The following PTPN4 variants were observed in gnomAD, a reference collection of about 807,000 sequenced individuals.
PTPN4 encodes the protein protein tyrosine phosphatase non-receptor type 4.
In PTPN4, 49 loss-of-function variants were observed where a neutral mutation model predicts 135.5. That is an observed-to-expected ratio of 0.36 (90% CI 0.29 to 0.46). PTPN4 has a LOEUF of 0.46. Ranked by LOEUF, PTPN4 falls within the 20% of genes least tolerant of loss-of-function variation. The pLI is 1.00. For missense variants in PTPN4, 860 were observed against 1,101.0 expected (o/e 0.78, Z 3.10); for synonymous variants, 333 against 369.9 (o/e 0.90, Z 1.14).
At chr2:119,901,653 A>G (rs1011403699) in intron 10 of PTPN4, among the ~76,000 whole-genome samples, 6 of 152,244 alleles carry the variant, frequency 3.9e-5, no homozygotes, top group African/African-American at 1.4e-4. Flanking sequence ...AGACCCAGAT[A>G]TAGAAGAAAT....
At position 119,921,721 on chromosome 2, in the gene PTPN4, T is replaced by C. The variant is rs746535774; in HGVS notation, c.1001+1480T>C. 1.6e-4 allele frequency among the ~76,000 whole-genome samples: 25 copies of C among 152,160 alleles called. 1 individual carries two copies. The highest frequency in any genetic ancestry group is 6.8e-3 in the Middle Eastern group (2 of 294). On this transcript the variant is annotated intron_variant, in intron 12 of 26. Coordinates refer to ENST00000263708, the MANE Select transcript of PTPN4 (RefSeq NM_002830.4). Reference sequence around the variant, plus strand: ...AGATGGAAGGAGAGAGTATCAGATCTATAATGAAAGTCAAGGAAAAAGCAA... The same window carrying C: ...AGATGGAAGGAGAGAGTATCAGATCCATAATGAAAGTCAAGGAAAAAGCAA...
At chr2:119,913,240 AC>A (rs575503937) in intron 10 of PTPN4, among the ~76,000 whole-genome samples, 12 of 152,120 alleles carry the variant, frequency 7.9e-5, no homozygotes, top group Non-Finnish European at 1.8e-4. Context: ...GGAGTGGAAT[AC>A]CTGGGTTTGC....
Position 119,978,139 on chromosome 2 carries a change from T to G in PTPN4, c.*1069T>G, listed in dbSNP as rs1380413495. On this transcript the variant is annotated 3_prime_UTR_variant, in exon 27 of 27. Coordinates refer to ENST00000263708, the MANE Select transcript of PTPN4 (RefSeq NM_002830.4). ...GGGGTTACGGTTTAGCAGCTCAACT[T>G]TAAAAGATGCTTTTATGCTTCAAAT... 1 of 152,192 alleles carries G rather than the reference T, an allele frequency of 6.6e-6. No homozygotes were observed. Among genetic ancestry groups the G allele is most frequent in the Non-Finnish European group, 1.5e-5 (1 of 68,026 alleles). 9.4% of individuals were successfully genotyped at this position (152,192 alleles called of 1,614,324 possible).
At chr2:119,788,419 G>T (rs1691083158) in intron 1 of PTPN4, among the ~76,000 whole-genome samples, 1 of 152,078 alleles carries the variant, frequency 6.6e-6, no homozygotes, top group Non-Finnish European at 1.5e-5. Flanking sequence ...TTAAAAAATT[G>T]TTTTTAATCG....
At chr2:119,784,945 T>G (rs928747497) in intron 1 of PTPN4, among the ~76,000 whole-genome samples, 8 of 43,748 alleles carry the variant, frequency 1.8e-4, no homozygotes, top group Non-Finnish European at 3.4e-4. Context: ...TTTCTTCTAT[T>G]CATTTTATGA....
chr2:119,775,333 C>T (rs562314104), intron 1 of PTPN4, among the ~76,000 whole-genome samples: 110 of 151,918 alleles, frequency 7.2e-4, no homozygotes, highest in African/African-American at 2.5e-3. Flanking sequence ...AAGGCCTGGA[C>T]AATAACTCTT....
intron 2 of PTPN4, among the ~76,000 whole-genome samples, chr2:119,844,310 C>G (rs1452154273): frequency 7.3e-6 from 1 of 136,640 alleles, no homozygotes; most frequent in Non-Finnish European, 1.6e-5. Flanking sequence ...CCGGACGGGG[C>G]GGCTGGCCGG....
At chr2:119,959,884 A>C (rs1558775580) in intron 22 of PTPN4, among the ~76,000 whole-genome samples, 1 of 152,176 alleles carries the variant, frequency 6.6e-6, no homozygotes, top group Non-Finnish European at 1.5e-5. Flanking sequence ...AATCTGCATT[A>C]AATATTTTCT....
chr2:119,934,380 G>A (rs927030852), intron 14 of PTPN4, among the ~76,000 whole-genome samples: 1 of 152,148 alleles, frequency 6.6e-6, no homozygotes, highest in Non-Finnish European at 1.5e-5. Context: ...TGGCAATATA[G>A]TATTCAGTAT....
At chr2:119,873,274 C>T (rs1187590202) in intron 3 of PTPN4, among the ~76,000 whole-genome samples, 3 of 151,864 alleles carry the variant, frequency 2.0e-5, no homozygotes, top group South Asian at 4.2e-4. Flanking sequence ...ATAGAAGAAG[C>T]TCACTGAACT....
chr2:119,977,320 G>A lies in PTPN4; in HGVS notation c.*250G>A. Reference sequence around the variant, plus strand: ...ATAGTAAATAACTGAGTATGTTCAGGGTAATTTATGAAATTTTGTGGTGGT... The same window carrying A: ...ATAGTAAATAACTGAGTATGTTCAGAGTAATTTATGAAATTTTGTGGTGGT... On this transcript the variant is annotated 3_prime_UTR_variant, in exon 27 of 27. Coordinates refer to ENST00000263708, the MANE Select transcript of PTPN4 (RefSeq NM_002830.4). The A allele has an allele frequency of 2.2e-6, 1 of 461,384 alleles. No homozygotes were observed. The highest frequency in any genetic ancestry group is 3.1e-6 in the Non-Finnish European group (1 of 324,866). 28.6% of individuals were successfully genotyped at this position (461,384 alleles called of 1,614,324 possible).
intron 3 of PTPN4, among the ~76,000 whole-genome samples, chr2:119,866,865 G>A (rs542989930): frequency 6.0e-4 from 92 of 152,192 alleles, no homozygotes; most frequent in African/African-American, 2.1e-3. Context: ...TGTTTCCACT[G>A]TAATATCTTA....
chr2:119,961,780 C>CA (rs1349614797), intron 23 of PTPN4, among the ~76,000 whole-genome samples: 1 of 152,084 alleles, frequency 6.6e-6, no homozygotes, highest in African/African-American at 2.4e-5. Flanking sequence ...TGAAAGAGGT[C>CA]AAAAAGACCA....
At chr2:119,763,936 G>A (rs1198768328) in intron 1 of PTPN4, among the ~76,000 whole-genome samples, 2 of 152,178 alleles carry the variant, frequency 1.3e-5, no homozygotes, top group African/African-American at 4.8e-5. Flanking sequence ...TGGGCAAGTT[G>A]TTTAGTTCTG....
At chr2:119,955,764 C>T (rs921472122) in intron 20 of PTPN4, among the ~76,000 whole-genome samples, 3 of 151,848 alleles carry the variant, frequency 2.0e-5, no homozygotes, top group African/African-American at 4.8e-5. Context: ...GGTGAAACCC[C>T]GTCTCTACTA....
chr2:119,820,434 A>T (rs1677048872), intron 2 of PTPN4, among the ~76,000 whole-genome samples: 1 of 152,202 alleles, frequency 6.6e-6, no homozygotes. Flanking sequence ...TAAGGAAGCT[A>T]CATGACTCAC....
intron 2 of PTPN4, among the ~76,000 whole-genome samples, chr2:119,852,683 A>T (rs994085402): frequency 5.3e-5 from 8 of 149,986 alleles, no homozygotes; most frequent in African/African-American, 2.0e-4. Context: ...ATTTTGGTTT[A>T]TTTTCTCTTT....
intron 1 of PTPN4, among the ~76,000 whole-genome samples, chr2:119,808,835 C>G (rs1173699647): frequency 6.6e-6 from 1 of 152,122 alleles, no homozygotes; most frequent in Non-Finnish European, 1.5e-5. Context: ...TTACTTTGAG[C>G]TTTAATCTTT....
At chr2:119,871,568 G>T (rs1677910630) in intron 3 of PTPN4, among the ~76,000 whole-genome samples, 1 of 152,068 alleles carries the variant, frequency 6.6e-6, no homozygotes, top group African/African-American at 2.4e-5. Context: ...TTAAATGCTT[G>T]TATGCAGGTG....
Sources: gnomAD v4.1 joint callset for allele counts (sites outside exome capture counted in the v4.1 genomes callset) on GRCh38, gnomAD v4.1.1 for gene constraint, MANE v1.5 for transcripts, NCBI Gene and HGNC (gene_info 2026-07-23, HGNC 2026-07-21) for gene names.